KCNIP4: variants seen among roughly 807,000 people sequenced by gnomAD.
KCNIP4 encodes Kv channel-interacting protein 4.
Under a neutral mutation model 34.0 loss-of-function variants are expected in KCNIP4, and 12 were observed. The ratio of observed to expected loss-of-function variants is 0.35; its 90% CI spans 0.23 to 0.57. KCNIP4 has a LOEUF of 0.57. Among genes scored for constraint, KCNIP4 ranks in the 20% least tolerant of loss-of-function variants. The probability of loss-of-function intolerance (pLI) is 0.83; values close to 1 mark genes in which losing one functional copy is unlikely to be tolerated. For synonymous variants in KCNIP4, 124 were observed against 102.2 expected, an observed-to-expected ratio of 1.21 and a Z score of -1.29; for missense variants, 238 against 311.7, an observed-to-expected ratio of 0.76 and a Z score of 1.78.
At chr4:21,802,013 G>A (rs1380192428) in intron 1 of KCNIP4, among the ~76,000 whole-genome samples, 7 of 151,752 alleles carry the variant, frequency 4.6e-5, no homozygotes, top group Non-Finnish European at 1.0e-4. Context: ...GGCACAGAAG[G>A]GGCTAAGGTC....
At chr4:21,142,937 C>T (rs1318926542) in intron 1 of KCNIP4, among the ~76,000 whole-genome samples, 2 of 152,032 alleles carry the variant, frequency 1.3e-5, no homozygotes, top group African/African-American at 4.8e-5. Flanking sequence ...ATCTATATAA[C>T]ATAGAGAAGT....
intron 1 of KCNIP4, among the ~76,000 whole-genome samples, chr4:21,251,809 C>A (rs960236428): frequency 7.1e-6 from 1 of 140,346 alleles, no homozygotes. Flanking sequence ...GGGAATTGAA[C>A]AATGAGAACA....
At chr4:21,026,955 G>A (rs1177726334) in intron 1 of KCNIP4, among the ~76,000 whole-genome samples, 1 of 152,068 alleles carries the variant, frequency 6.6e-6, no homozygotes, top group Non-Finnish European at 1.5e-5. Flanking sequence ...GTCATTTGGG[G>A]GTTTTGTCTC....
chr4:21,396,282 G>A (rs1476167393), intron 1 of KCNIP4, among the ~76,000 whole-genome samples: 2 of 151,906 alleles, frequency 1.3e-5, no homozygotes, highest in African/African-American at 2.4e-5. Flanking sequence ...TGGGCCGGGT[G>A]TGGTGGCTCA....
At position 21,695,008 on chromosome 4, in the gene KCNIP4, A is replaced by T. The variant is rs568282042; in HGVS notation, c.61+253563T>A. 5.1e-4 allele frequency among the ~76,000 whole-genome samples: 78 copies of T among 151,938 alleles called. 1 individual carries two copies. In the East Asian group the frequency reaches 0.015, roughly 29 times the overall value. On this transcript the variant is annotated intron_variant, in intron 1 of 8. Transcript: ENST00000382152. Reference sequence around the variant, plus strand: ...CCAAGACATGTTCGTGTTGTTTTAAATTTTTGATAACTACAAAGATACATG... The same window carrying T: ...CCAAGACATGTTCGTGTTGTTTTAATTTTTTGATAACTACAAAGATACATG...
chr4:21,437,469 A>T (rs1191329415), intron 1 of KCNIP4, among the ~76,000 whole-genome samples: 1 of 152,154 alleles, frequency 6.6e-6, no homozygotes, highest in Non-Finnish European at 1.5e-5. Flanking sequence ...TTCTTCCTCC[A>T]TTTCCCATTC....
chr4:21,133,848 A>G (rs900868928), intron 1 of KCNIP4, among the ~76,000 whole-genome samples: 3 of 152,196 alleles, frequency 2.0e-5, no homozygotes, highest in African/African-American at 7.2e-5. Context: ...GGAAACATAC[A>G]CACTAGAAAG....
intron 1 of KCNIP4, among the ~76,000 whole-genome samples, chr4:21,256,261 G>A (rs911550916): frequency 2.0e-5 from 3 of 152,020 alleles, no homozygotes; most frequent in African/African-American, 7.2e-5. Context: ...CATATCAAAC[G>A]GGCAGAAAGG....
chr4:20,932,622 T>C (rs937575443), intron 1 of KCNIP4, among the ~76,000 whole-genome samples: 6 of 152,146 alleles, frequency 3.9e-5, no homozygotes, highest in African/African-American at 1.4e-4. Flanking sequence ...TGATTCACCA[T>C]AGTAACCATT....
intron 1 of KCNIP4, among the ~76,000 whole-genome samples, chr4:21,202,625 C>T (rs1202021244): frequency 6.6e-6 from 1 of 152,162 alleles, no homozygotes; most frequent in African/African-American, 2.4e-5. Context: ...TCTTTTTAAG[C>T]AATGTGGACA....
rs183841442 is a variant in KCNIP4 at position 20,797,143 on chromosome 4, G to T, written c.289-38253C>A. Among the ~76,000 whole-genome samples, 45 of 152,246 alleles carry T rather than the reference G, an allele frequency of 3.0e-4. No homozygotes were observed. In the East Asian group the frequency reaches 8.5e-3, roughly 29 times the overall value. On this transcript the variant is annotated intron_variant, in intron 3 of 8. Transcript: ENST00000382152. ...TTCTAAGGGGATATTTTCTGTTTTTGTCTACATTTATATTTGACTCATTTA... is the reference window on the plus strand; with the variant it reads ...TTCTAAGGGGATATTTTCTGTTTTTTTCTACATTTATATTTGACTCATTTA...
intron 1 of KCNIP4, among the ~76,000 whole-genome samples, chr4:21,095,918 C>T (rs1747423294): frequency 6.6e-6 from 1 of 152,028 alleles, no homozygotes; most frequent in African/African-American, 2.4e-5. Context: ...AACCAAAATC[C>T]CCAGGAAACC....
At chr4:21,308,706 G>A (rs904979031) in intron 1 of KCNIP4, among the ~76,000 whole-genome samples, 7 of 95,540 alleles carry the variant, frequency 7.3e-5, no homozygotes, top group South Asian at 3.4e-4. Flanking sequence ...TGCCCCTGCC[G>A]TGTGAGTGTG....
intron 1 of KCNIP4, among the ~76,000 whole-genome samples, chr4:21,775,569 C>T (rs1168042573): frequency 1.3e-5 from 2 of 152,158 alleles, no homozygotes; most frequent in Non-Finnish European, 2.9e-5. Context: ...GGAGGAGAGG[C>T]TAAGTCTGCT....
intron 1 of KCNIP4, among the ~76,000 whole-genome samples, chr4:21,030,652 G>T (rs1000811770): frequency 6.6e-6 from 1 of 152,188 alleles, no homozygotes; most frequent in South Asian, 2.1e-4. Flanking sequence ...AACTAGAAGT[G>T]TTCAGGACTT....
intron 1 of KCNIP4, among the ~76,000 whole-genome samples, chr4:21,265,044 A>C (rs1213999004): frequency 3.9e-5 from 6 of 152,110 alleles, no homozygotes; most frequent in Non-Finnish European, 1.5e-5. Flanking sequence ...CATTGCAGTG[A>C]GCCGAGATCA....
chr4:21,595,570 T>A (rs1742582251), intron 1 of KCNIP4, among the ~76,000 whole-genome samples: 1 of 152,084 alleles, frequency 6.6e-6, no homozygotes. Flanking sequence ...TGCCACACTG[T>A]CTTCCACAAC....
At chr4:20,761,714 A>G (rs1754977756) in intron 3 of KCNIP4, among the ~76,000 whole-genome samples, 1 of 152,178 alleles carries the variant, frequency 6.6e-6, no homozygotes, top group Non-Finnish European at 1.5e-5. Context: ...GATATATTTG[A>G]TAGATATAAT....
intron 1 of KCNIP4, among the ~76,000 whole-genome samples, chr4:20,931,579 A>T (rs926091995): frequency 6.6e-6 from 1 of 152,118 alleles, no homozygotes; most frequent in Admixed American, 6.6e-5. Flanking sequence ...TGTGCATGTA[A>T]ACTTATCTAA....
Sources: allele counts gnomAD v4.1 joint callset (sites outside exome capture counted in the v4.1 genomes callset), GRCh38; gene constraint gnomAD v4.1.1; transcripts MANE v1.5; gene names NCBI Gene and HGNC (gene_info 2026-07-23, HGNC 2026-07-21).